The following ERCC2 variants were observed in gnomAD, a reference collection of about 807,000 sequenced individuals.
ERCC2 encodes general transcription and DNA repair factor IIH helicase subunit XPD.
A neutral mutation model predicts 99.4 loss-of-function variants in ERCC2; 90 were observed. That is an observed-to-expected ratio of 0.91 (90% CI 0.76 to 1.08). ERCC2 has a LOEUF of 1.08. ERCC2 is among the 50% of genes least tolerant of loss of function. The pLI is 0.00. For missense variants in ERCC2, 993 were observed against 1,038.1 expected (o/e 0.96, Z 0.60); for synonymous variants, 497 against 432.4 (o/e 1.15, Z -1.85).
In ERCC2 at chr19:45,351,065, T is replaced by G. The variant is rs551561376; in HGVS notation, c.*564A>C. 19 of 1,613,712 alleles carry G rather than the reference T, an allele frequency of 1.2e-5. No homozygotes were observed. The highest frequency in any genetic ancestry group is 6.7e-5 in the Admixed American group (4 of 59,992). On this transcript the variant is annotated 3_prime_UTR_variant, in exon 23 of 23. Transcript: ENST00000391945. ...AAATAGAGGAGGCCATGTGGGTAGG[T>G]GCAGAGATGAGGCAAAGGCAGGGCG...
rs914242692 is a variant in ERCC2, at chr19:45,349,899, A to G, written c.*1730T>C. On this transcript the variant is annotated 3_prime_UTR_variant, in exon 23 of 23. Transcript: ENST00000391945. ...GCTCCCCTCTTAGCCCGGTCCCCAC[A>G]TCGCTAGTTCTTATAGCGTCCCTAT... 13 of 460,064 alleles carry G rather than the reference A, an allele frequency of 2.8e-5. No homozygotes were observed. The highest frequency in any genetic ancestry group is 5.7e-4 in the Middle Eastern group (1 of 1,742). The allele number at this position is 460,064 out of a possible 1,614,324, so 28.5% of individuals were successfully genotyped here. A position where few individuals can be genotyped will look rare whatever the true frequency, so the allele number is the denominator to read the frequency against.
At chr19:45,362,511 A>G (rs1972260363) in intron 11 of ERCC2, among the ~76,000 whole-genome samples, 1 of 152,202 alleles carries the variant, frequency 6.6e-6, no homozygotes, top group South Asian at 2.1e-4. Flanking sequence ...AGGCAGGGTC[A>G]TAGAGCAGCT....
chr19:45,353,760 G>A (rs1229607134), intron 17 of ERCC2, among the ~76,000 whole-genome samples: 1 of 152,200 alleles, frequency 6.6e-6, no homozygotes, highest in Non-Finnish European at 1.5e-5. Context: ...GCAGTTCAGT[G>A]GGGAGAGCTT....
At chr19:45,368,809 G>A (rs1972512661) in intron 4 of ERCC2, 66 bp from the exon 5 acceptor site, 1 of 1,553,974 alleles carries the variant, frequency 6.4e-7, no homozygotes, top group African/African-American at 1.4e-5. Context: ...TGCCCTGCCA[G>A]GTCCCAGTCT....
At position 45,350,549 on chromosome 19, in the gene ERCC2, C is replaced by T; in HGVS notation, c.*1080G>A. ...CACAGGCACAGCTGGTGACGCAGAA[C>T]AGGTGAGGATGGGCTGTGCTTCGGC... On this transcript the variant is annotated 3_prime_UTR_variant, in exon 23 of 23. Coordinates refer to ENST00000391945, the MANE Select transcript of ERCC2 (RefSeq NM_000400.4). 1 of 1,614,004 alleles carries T rather than the reference C, an allele frequency of 6.2e-7. No homozygotes were observed. The highest frequency in any genetic ancestry group is 8.5e-7 in the Non-Finnish European group (1 of 1,179,992).
At chr19:45,365,823 CT>C (rs1972408061) in intron 5 of ERCC2, among the ~76,000 whole-genome samples, 1 of 151,908 alleles carries the variant, frequency 6.6e-6, no homozygotes, top group Non-Finnish European at 1.5e-5. Flanking sequence ...TTGTTACATT[CT>C]TACAACTACA....
At position 45,350,894 on chromosome 19, in the gene ERCC2, CCTCGTGGAGGGGGGCCACTCCTGG is replaced by C; in HGVS notation, c.*711_*734del. 5 of 1,578,868 alleles carry C rather than the reference CCTCGTGGAGGGGGGCCACTCCTGG, an allele frequency of 3.2e-6. No individual in the cohort carries two copies. The East Asian group carries it at 1.1e-4, about 35-fold the overall frequency. Reference sequence around the variant, plus strand: ...GATCAAACCCTGTGCTGGAAAGGTCCCTCGTGGAGGGGGGCCACTCCTGGATTCACTCATTTCCTCCCTGCTGCC... The same window carrying C: ...GATCAAACCCTGTGCTGGAAAGGTCCATTCACTCATTTCCTCCCTGCTGCC... On this transcript the variant is annotated 3_prime_UTR_variant, in exon 23 of 23. Transcript: ENST00000391945.
At chr19:45,364,705 G>A (rs1186006820) in intron 7 of ERCC2, 133 bp downstream of exon 7, 25 of 1,274,430 alleles carry the variant, frequency 2.0e-5, no homozygotes, top group Admixed American at 5.6e-5. Context: ...CAACAGATAC[G>A]GGCACCCACC....
At chr19:45,354,608 C>G (rs1468126450) in intron 17 of ERCC2, 122 bp downstream of exon 17, 10 of 1,281,168 alleles carry the variant, frequency 7.8e-6, no homozygotes, top group African/African-American at 1.5e-5. Context: ...ACATGCTGCA[C>G]ACACTCTCCT....
rs750728345 is a variant in ERCC2 at position 45,351,380 on chromosome 19, G to A, written c.*249C>T. 63 of 1,607,276 alleles carry A rather than the reference G, an allele frequency of 3.9e-5. No individual in the cohort carries two copies. The highest frequency in any genetic ancestry group is 8.8e-5 in the South Asian group (8 of 91,070). On this transcript the variant is annotated 3_prime_UTR_variant, in exon 23 of 23. Coordinates refer to ENST00000391945, the MANE Select transcript of ERCC2 (RefSeq NM_000400.4). The stretch of plus-strand genomic sequence containing the variant: ...TAACGTCCAGTGAACTGCGCTGGCC[G>A]CAGCTTCTTGGGAACAGTGCAGGAG...
intron 16 of ERCC2, among the ~76,000 whole-genome samples, chr19:45,355,330 C>T (rs1002558022): frequency 4.8e-5 from 7 of 147,016 alleles, no homozygotes; most frequent in African/African-American, 1.9e-4. Flanking sequence ...GCACTCCAGC[C>T]TAGGCAACAG....
Position 45,351,192 on chromosome 19 carries a change from G to C in ERCC2, c.*437C>G. 1.3e-6 allele frequency: 2 copies of C among 1,585,760 alleles called. No homozygotes were observed. Among genetic ancestry groups the C allele is most frequent in the Non-Finnish European group, 1.7e-6 (2 of 1,165,460 alleles). ...ACTTGGGGTAGAGGCGAGGGGGTTG[G>C]ATAGTTGGCTGCCAGGCTGGACCTG... On this transcript the variant is annotated 3_prime_UTR_variant, in exon 23 of 23. Coordinates refer to ENST00000391945, the MANE Select transcript of ERCC2 (RefSeq NM_000400.4).
At position 45,369,006 on chromosome 19, in the gene ERCC2, GC is replaced by G; in HGVS notation, c.184-15del. 2 of 1,614,190 alleles carry G rather than the reference GC, an allele frequency of 1.2e-6. No homozygotes were observed. The highest frequency in any genetic ancestry group is 1.7e-6 in the Non-Finnish European group (2 of 1,180,010). On this transcript the variant is annotated splice_polypyrimidine_tract_variant and intron_variant, in intron 3 of 22. Transcript: ENST00000391945. ...CAGCGGATATGCCTGCCGATAACAA[GC>G]GGACTCAGTCCCTGTCCCGCCCCTT...
intron 12 of ERCC2, chr19:45,358,857 G>C (rs772797982): frequency 3.8e-6 from 3 of 780,770 alleles, no homozygotes; most frequent in Non-Finnish European, 7.2e-6. Flanking sequence ...AAGTTCTGGG[G>C]GGTTAGGGAT....
chr19:45,361,552 A>AAAGTTAGCAAGGAGGGTGAGCGGGGAG lies in ERCC2; in HGVS notation c.1182_1208dup (p.Ser395_Phe403dup). On this transcript the variant is annotated inframe_insertion, in exon 12 of 23. Transcript: ENST00000391945. Reference sequence around the variant, plus strand: ...TGGCGTAGGTGCTGACAAGGGTGGCAAAGTTAGCAAGGAGGGTGAGCGGGG... The same window carrying AAAGTTAGCAAGGAGGGTGAGCGGGGAG: ...TGGCGTAGGTGCTGACAAGGGTGGCAAAGTTAGCAAGGAGGGTGAGCGGGGAGAAGTTAGCAAGGAGGGTGAGCGGGG... 1 of 1,613,890 alleles carries AAAGTTAGCAAGGAGGGTGAGCGGGGAG rather than the reference A, an allele frequency of 6.2e-7. No homozygotes were observed. Among genetic ancestry groups the AAAGTTAGCAAGGAGGGTGAGCGGGGAG allele is most frequent in the South Asian group, 1.1e-5 (1 of 91,084 alleles).
At chr19:45,366,586 C>A (rs1972432588) in intron 5 of ERCC2, among the ~76,000 whole-genome samples, 1 of 152,140 alleles carries the variant, frequency 6.6e-6, no homozygotes, top group Non-Finnish European at 1.5e-5. Flanking sequence ...TCTGGGACTC[C>A]CCTTACCCCT....
At position 45,351,468 on chromosome 19, in the gene ERCC2, C is replaced by G; in HGVS notation, c.*161G>C. ...CTGGCCCCCCCTTGCCTCTGGGTAC[C>G]TGGTGGATAGCTGCCTTCTCCTGCG... On this transcript the variant is annotated 3_prime_UTR_variant, in exon 23 of 23. Transcript: ENST00000391945. 1 of 1,584,706 alleles carries G rather than the reference C, an allele frequency of 6.3e-7. No homozygotes were observed. The highest frequency in any genetic ancestry group is 1.1e-5 in the South Asian group (1 of 89,034).
chr19:45,352,684 G>A (rs41275758), intron 20 of ERCC2, 35 bp from the exon 21 acceptor site: 27 of 1,613,902 alleles, frequency 1.7e-5, no homozygotes, highest in Non-Finnish European at 2.2e-5. Flanking sequence ...TGGGGAGGTG[G>A]GGGAGCCACT....
chr19:45,355,660 C>T lies in ERCC2; in HGVS notation c.1543+5G>A, dbSNP rs776645346. ...CCACAGAAACCAGCCCCACTGGCAG[C>T]ATACCAATATCCTCCCGGGTCTCAA... On this transcript the variant is annotated splice_donor_5th_base_variant and intron_variant, in intron 16 of 22. Coordinates refer to ENST00000391945, the MANE Select transcript of ERCC2 (RefSeq NM_000400.4). 16 of 1,613,660 alleles carry T rather than the reference C, an allele frequency of 9.9e-6. No homozygotes were observed. Among genetic ancestry groups the T allele is most frequent in the Non-Finnish European group, 1.3e-5 (15 of 1,179,538 alleles).
Sources: allele counts gnomAD v4.1 joint callset (sites outside exome capture counted in the v4.1 genomes callset), GRCh38; gene constraint gnomAD v4.1.1; transcripts MANE v1.5; gene names NCBI Gene and HGNC (gene_info 2026-07-23, HGNC 2026-07-21).